The following CNTN4 variants were observed in gnomAD, a reference collection of about 807,000 sequenced individuals.
CNTN4 encodes contactin 4, also known as contactin-4.
A neutral mutation model predicts 122.5 loss-of-function variants in CNTN4; 77 were observed. The observed-to-expected ratio is 0.63, with a 90% CI of 0.52 to 0.76. The LOEUF (loss-of-function observed/expected upper bound fraction) is 0.76, where lower values mean the gene tolerates loss of function less well. CNTN4 is among the 30% of genes least tolerant of loss of function. The pLI, the probability that CNTN4 is intolerant of heterozygous loss-of-function variation, is 0.00. For missense variants in CNTN4, 1,256 were observed against 1,259.1 expected (o/e 1.00, Z 0.04); for synonymous variants, 512 against 447.0 (o/e 1.15, Z -1.83).
In CNTN4 at chr3:2,181,138, C is replaced by T. The variant is rs551070648; in HGVS notation, c.-145+80499C>T. On this transcript the variant is annotated intron_variant, in intron 2 of 24. Transcript: ENST00000418658. Reference sequence around the variant, plus strand: ...AGTTTTATGACTCCAGCATGACCTACAAAAAATTATTATTTAAAAGTGATT... The same window carrying T: ...AGTTTTATGACTCCAGCATGACCTATAAAAAATTATTATTTAAAAGTGATT... Among the ~76,000 whole-genome samples, 4 of 151,794 alleles carry T rather than the reference C, an allele frequency of 2.6e-5. No homozygotes were observed. The South Asian group carries it at 8.3e-4, about 32-fold the overall frequency.
intron 3 of CNTN4, among the ~76,000 whole-genome samples, chr3:2,464,412 C>A (rs1430830658): frequency 6.6e-6 from 1 of 152,150 alleles, no homozygotes; most frequent in Non-Finnish European, 1.5e-5. Flanking sequence ...TCTACCTGAA[C>A]CATTGCCTCT....
At chr3:2,228,382 A>T (rs1039774944) in intron 2 of CNTN4, among the ~76,000 whole-genome samples, 2 of 152,152 alleles carry the variant, frequency 1.3e-5, no homozygotes, top group African/African-American at 4.8e-5. Flanking sequence ...ATTGGGACAC[A>T]GTCTCACTCA....
chr3:2,336,750 C>T (rs1328330515), intron 2 of CNTN4, among the ~76,000 whole-genome samples: 1 of 152,116 alleles, frequency 6.6e-6, no homozygotes, highest in African/African-American at 2.4e-5. Context: ...CTGCCCCTCA[C>T]CTTTTACCCT....
intron 3 of CNTN4, among the ~76,000 whole-genome samples, chr3:2,426,834 C>T (rs1333986542): frequency 6.6e-6 from 1 of 152,082 alleles, no homozygotes; most frequent in East Asian, 1.9e-4. Context: ...TCCATTTCTT[C>T]TAGATTTTCT....
At chr3:3,031,054 G>C in intron 16 of CNTN4, 79 bp downstream of exon 16, 1 of 1,583,312 alleles carries the variant, frequency 6.3e-7, no homozygotes, top group South Asian at 1.1e-5. Context: ...AGAAACCTCA[G>C]TGGTTTAGAA....
chr3:2,316,979 T>TC (rs2043124845), intron 2 of CNTN4, among the ~76,000 whole-genome samples: 2 of 152,308 alleles, frequency 1.3e-5, no homozygotes, highest in South Asian at 4.1e-4. Flanking sequence ...TCATTTTCCT[T>TC]CCCCCATGCC....
chr3:2,409,271 A>G (rs1287394446), intron 3 of CNTN4, among the ~76,000 whole-genome samples: 3 of 134,018 alleles, frequency 2.2e-5, no homozygotes, highest in East Asian at 2.1e-4. Flanking sequence ...TTTTTGAGAT[A>G]GTGTCTCGCT....
chr3:2,318,328 A>G (rs1027607719), intron 2 of CNTN4, among the ~76,000 whole-genome samples: 1 of 152,130 alleles, frequency 6.6e-6, no homozygotes, highest in Non-Finnish European at 1.5e-5. Flanking sequence ...AAAACACACT[A>G]TAAGAACTGT....
chr3:2,696,667 A>T (rs182601734), intron 4 of CNTN4, among the ~76,000 whole-genome samples: 1 of 152,324 alleles, frequency 6.6e-6, no homozygotes, highest in African/African-American at 2.4e-5. Context: ...TCCCAAAGGG[A>T]CTGAGACAGT....
At chr3:2,939,614 G>T (rs2094595566) in intron 13 of CNTN4, among the ~76,000 whole-genome samples, 1 of 152,220 alleles carries the variant, frequency 6.6e-6, no homozygotes, top group African/African-American at 2.4e-5. Flanking sequence ...AAGCAGCTCT[G>T]TGTAAGATGC....
chr3:2,206,790 G>A (rs73099948), intron 2 of CNTN4, among the ~76,000 whole-genome samples: 8,430 of 151,378 alleles, frequency 0.056, 503 homozygotes, highest in African/African-American at 0.15. Flanking sequence ...TTCACATTTA[G>A]TCTTTGTAAA....
intron 4 of CNTN4, among the ~76,000 whole-genome samples, chr3:2,680,623 C>G (rs531858506): frequency 1.5e-4 from 23 of 152,218 alleles, no homozygotes; most frequent in African/African-American, 5.3e-4. Flanking sequence ...ACGGTCTACA[C>G]ACATAATTGT....
intron 14 of CNTN4, among the ~76,000 whole-genome samples, chr3:3,023,376 A>G (rs1233711820): frequency 6.6e-6 from 1 of 152,190 alleles, no homozygotes; most frequent in Admixed American, 6.5e-5. Context: ...ATAATCCTTG[A>G]CTCAGGGAAC....
At chr3:2,652,158 G>T (rs971492298) in intron 4 of CNTN4, among the ~76,000 whole-genome samples, 4 of 151,968 alleles carry the variant, frequency 2.6e-5, no homozygotes, top group Non-Finnish European at 5.9e-5. Context: ...CAAGGTCAAG[G>T]TTGTAGTGAA....
At position 2,110,536 on chromosome 3, in the gene CNTN4, C is replaced by T. The variant is rs529380243; in HGVS notation, c.-145+9897C>T. The T allele has an allele frequency of 1.3e-4, 20 of 152,338 alleles. No individual in the cohort carries two copies. The South Asian group carries it at 4.1e-3, about 32-fold the overall frequency. 9.4% of individuals were successfully genotyped at this position (152,338 alleles called of 1,614,324 possible). On this transcript the variant is annotated intron_variant, in intron 2 of 24. Coordinates refer to ENST00000418658, the MANE Select transcript of CNTN4 (RefSeq NM_175607.3). ...AAGTGTTGAGACCGACACTGGTGACCTCCATCTGCTTTCTGCTGCCTTTCA... is the reference window on the plus strand; with the variant it reads ...AAGTGTTGAGACCGACACTGGTGACTTCCATCTGCTTTCTGCTGCCTTTCA...
intron 7 of CNTN4, among the ~76,000 whole-genome samples, chr3:2,854,492 C>G (rs1280553633): frequency 1.3e-5 from 2 of 151,816 alleles, no homozygotes; most frequent in African/African-American, 4.8e-5. Flanking sequence ...GGGCTGGTCT[C>G]GATCTCCTGA....
At chr3:2,477,696 C>G (rs34163547) in intron 3 of CNTN4, among the ~76,000 whole-genome samples, 20,420 of 152,184 alleles carry the variant, frequency 0.13, 1,770 homozygotes, top group Middle Eastern at 0.22. Context: ...ATAGTCTATG[C>G]ATTTTGCGGG....
intron 3 of CNTN4, among the ~76,000 whole-genome samples, chr3:2,529,118 C>T (rs1252639298): frequency 2.0e-5 from 3 of 152,084 alleles, no homozygotes; most frequent in Non-Finnish European, 4.4e-5. Context: ...CCCCACTCTT[C>T]CCAGCCTCTA....
intron 13 of CNTN4, among the ~76,000 whole-genome samples, chr3:2,952,699 A>G (rs2094758477): frequency 6.6e-6 from 1 of 152,188 alleles, no homozygotes; most frequent in African/African-American, 2.4e-5. Context: ...AATTCACTAC[A>G]AATATTTATT....
Sources: gnomAD v4.1 joint callset for allele counts (sites outside exome capture counted in the v4.1 genomes callset) on GRCh38, gnomAD v4.1.1 for gene constraint, MANE v1.5 for transcripts, NCBI Gene and HGNC (gene_info 2026-07-23, HGNC 2026-07-21) for gene names.